The following SPNS3 variants were observed in gnomAD, a reference collection of about 807,000 sequenced individuals.
SPNS3 encodes SPNS lysolipid transporter 3, sphingosine-1-phosphate (putative).
Under a neutral mutation model 54.4 loss-of-function variants are expected in SPNS3, and 51 were observed. The observed-to-expected ratio is 0.94, with a 90% CI of 0.75 to 1.18. The LOEUF (loss-of-function observed/expected upper bound fraction) is 1.18. SPNS3 is among the 50% of genes most tolerant of loss of function. SPNS3 has a pLI of 0.00. For synonymous variants in SPNS3, 309 were observed against 294.7 expected, an observed-to-expected ratio of 1.05 and a Z score of -0.50; for missense variants, 669 against 677.4, an observed-to-expected ratio of 0.99 and a Z score of 0.14.
Position 4,461,361 on chromosome 17 carries a change from C to CTTTTTTTTTTTTTTTTTT in SPNS3, c.1113+8165_1113+8182dup, listed in dbSNP as rs55928003. Among the ~76,000 whole-genome samples the CTTTTTTTTTTTTTTTTTT allele has an allele frequency of 1.8e-3, 61 of 33,414 alleles. 4 individuals are homozygous for CTTTTTTTTTTTTTTTTTT. Among genetic ancestry groups the CTTTTTTTTTTTTTTTTTT allele is most frequent in the Admixed American group, 4.9e-3 (10 of 2,042 alleles). The allele number at this position is 33,414 out of a possible 152,430, so 21.9% of individuals were successfully genotyped here. ...TATTTGCTTTCTTTTCTTTTCTTTT[C>CTTTTTTTTTTTTTTTTTT]TTTTTTTTTTTTTTTTTTTTTTTTT... On this transcript the variant is annotated intron_variant, in intron 8 of 11. Coordinates refer to ENST00000355530, the MANE Select transcript of SPNS3 (RefSeq NM_182538.5).
rs12162154 is a variant in SPNS3 at position 4,439,606 on chromosome 17, G to A, written c.200-52G>A. 1.7e-5 allele frequency: 27 copies of A among 1,570,708 alleles called. No homozygotes were observed. In the African/African-American group the frequency reaches 3.5e-4, roughly 20 times the overall value. ...GCCAAACCTGGAGCAGCTGCCTTTA[G>A]AGGCCAGGAGGGCTACTTCCCGTTT... On this transcript the variant is annotated intron_variant, in intron 1 of 11. Transcript: ENST00000355530.
chr17:4,471,708 C>T (rs2144170194), intron 8 of SPNS3, among the ~76,000 whole-genome samples: 1 of 152,194 alleles, frequency 6.6e-6, no homozygotes, highest in Admixed American at 6.6e-5. Context: ...TCAAGTGATC[C>T]ACCCTCCTCG....
chr17:4,472,340 C>CT (rs1311396002), intron 8 of SPNS3, among the ~76,000 whole-genome samples: 3 of 152,206 alleles, frequency 2.0e-5, no homozygotes, highest in Non-Finnish European at 4.4e-5. Flanking sequence ...TCCCTGCCTT[C>CT]TCTGTGACCA....
At position 4,467,818 on chromosome 17, in the gene SPNS3, A is replaced by G. The variant is rs561374519; in HGVS notation, c.1114-10754A>G. On this transcript the variant is annotated intron_variant, in intron 8 of 11. Transcript: ENST00000355530. ...GTAGCTGGGATTACAGGCACCTGCC[A>G]CCATGCCCGGCTAATTTTTGTATTT... Among the ~76,000 whole-genome samples the G allele has an allele frequency of 3.5e-3, 530 of 152,280 alleles. 3 individuals are homozygous for G. The highest frequency in any genetic ancestry group is 0.012 in the African/African-American group (504 of 41,560).
At chr17:4,470,369 A>C (rs1971823045) in intron 8 of SPNS3, among the ~76,000 whole-genome samples, 1 of 152,202 alleles carries the variant, frequency 6.6e-6, no homozygotes. Flanking sequence ...CAGAGGTTGC[A>C]GTGAGCCGAG....
intron 9 of SPNS3, chr17:4,482,709 A>G (rs1173390302): frequency 1.3e-5 from 2 of 150,084 alleles, no homozygotes; most frequent in Non-Finnish European, 3.0e-5. Context: ...TGTCCCCTGA[A>G]CCCGCATCTC....
chr17:4,451,305 G>C (rs1360039590), intron 7 of SPNS3, among the ~76,000 whole-genome samples: 1 of 150,706 alleles, frequency 6.6e-6, no homozygotes, highest in Admixed American at 6.6e-5. Context: ...AGGCTGGAGT[G>C]CAGTAGCACG....
At chr17:4,474,115 C>T (rs181044908) in intron 8 of SPNS3, among the ~76,000 whole-genome samples, 62 of 152,338 alleles carry the variant, frequency 4.1e-4, no homozygotes, top group African/African-American at 1.4e-3. Flanking sequence ...GCTGGCAGCA[C>T]GGCCCACCAG....
At chr17:4,477,235 G>A (rs936123852) in intron 8 of SPNS3, among the ~76,000 whole-genome samples, 2 of 152,256 alleles carry the variant, frequency 1.3e-5, no homozygotes, top group Admixed American at 6.5e-5. Context: ...TCTGTGAAAT[G>A]GGTGTAATGA....
In SPNS3 at chr17:4,446,277, G is replaced by C. The variant is rs892656252; in HGVS notation, c.554+78G>C. 9 of 1,485,640 alleles carry C rather than the reference G, an allele frequency of 6.1e-6. No individual in the cohort carries two copies. In the African/African-American group the frequency reaches 1.1e-4, roughly 18 times the overall value. 92.0% of individuals were successfully genotyped at this position (1,485,640 alleles called of 1,614,324 possible). On this transcript the variant is annotated intron_variant, in intron 4 of 11. Coordinates refer to ENST00000355530, the MANE Select transcript of SPNS3 (RefSeq NM_182538.5). Reference sequence around the variant, plus strand: ...GAGTCAGAACAGGGGCTGGACCTGGGTAGGAGAGGTCAAACCAGGAGGGCT... The same window carrying C: ...GAGTCAGAACAGGGGCTGGACCTGGCTAGGAGAGGTCAAACCAGGAGGGCT...
chr17:4,472,096 T>C (rs1971870753), intron 8 of SPNS3, among the ~76,000 whole-genome samples: 1 of 152,142 alleles, frequency 6.6e-6, no homozygotes, highest in South Asian at 2.1e-4. Flanking sequence ...TGACCTCAAG[T>C]GATCCACCCG....
intron 8 of SPNS3, among the ~76,000 whole-genome samples, chr17:4,476,327 C>T (rs1306582492): frequency 6.6e-6 from 1 of 152,204 alleles, no homozygotes; most frequent in African/African-American, 2.4e-5. Flanking sequence ...GTAGCTGCAG[C>T]CTCCCTCTGA....
At chr17:4,451,230 A>ACTT (rs10672650) in intron 7 of SPNS3, among the ~76,000 whole-genome samples, 80,579 of 145,736 alleles carry the variant, frequency 0.55, 23,038 homozygotes, top group Admixed American at 0.63. Context: ...TTTAGAAAGC[A>ACTT]CTTCTTCTTC....
At chr17:4,484,171 G>A (rs1238674528) in intron 9 of SPNS3, among the ~76,000 whole-genome samples, 1 of 152,184 alleles carries the variant, frequency 6.6e-6, no homozygotes, top group Non-Finnish European at 1.5e-5. Flanking sequence ...TTTCAGGCTG[G>A]GTGATGTTGG....
chr17:4,465,825 T>C (rs918368442), intron 8 of SPNS3, among the ~76,000 whole-genome samples: 1 of 152,198 alleles, frequency 6.6e-6, no homozygotes, highest in African/African-American at 2.4e-5. Context: ...CTTTGGAAAA[T>C]GCAATCTCCC....
chr17:4,446,558 G>T (rs945558713), intron 4 of SPNS3: 1 of 521,274 alleles, frequency 1.9e-6, no homozygotes. Flanking sequence ...GCCAGAGCAG[G>T]ATTTGCAATC....
chr17:4,479,590 T>C (rs1415310454), intron 9 of SPNS3, among the ~76,000 whole-genome samples: 19 of 152,240 alleles, frequency 1.2e-4, no homozygotes, highest in South Asian at 2.1e-4. Context: ...GCCCTGGGCC[T>C]GTGAGCACCC....
intron 2 of SPNS3, 148 bp from the exon 3 acceptor site, chr17:4,444,884 A>T: frequency 1.0e-6 from 1 of 962,812 alleles, no homozygotes; most frequent in Middle Eastern, 3.3e-4. Flanking sequence ...TGTGAGGTTC[A>T]CCTTATCTTT....
At chr17:4,447,401 C>T (rs1360426194) in intron 5 of SPNS3, among the ~76,000 whole-genome samples, 1 of 152,212 alleles carries the variant, frequency 6.6e-6, no homozygotes, top group Non-Finnish European at 1.5e-5. Flanking sequence ...GCCGGGCAGG[C>T]CCCGCTGGGG....
Sources: gnomAD v4.1 joint callset for allele counts (sites outside exome capture counted in the v4.1 genomes callset) on GRCh38, gnomAD v4.1.1 for gene constraint, MANE v1.5 for transcripts, NCBI Gene and HGNC (gene_info 2026-07-23, HGNC 2026-07-21) for gene names.